The following KMT2C variants were observed in gnomAD, a reference collection of about 807,000 sequenced individuals.
The protein encoded by KMT2C is histone-lysine N-methyltransferase 2C.
In KMT2C, 88 loss-of-function variants were observed where a neutral mutation model predicts 507.9. The ratio of observed to expected loss-of-function variants is 0.17; its 90% CI spans 0.15 to 0.21. The LOEUF is 0.21. Ranked by LOEUF, KMT2C falls within the 10% of genes least tolerant of loss-of-function variation. The pLI is 1.00. For missense variants in KMT2C, 4,954 were observed against 5,957.8 expected, an observed-to-expected ratio of 0.83 and a Z score of 5.55; for synonymous variants, 2,049 against 2,080.8, an observed-to-expected ratio of 0.98 and a Z score of 0.42.
intron 1 of KMT2C, among the ~76,000 whole-genome samples, chr7:152,393,246 C>T (rs1274185082): frequency 3.9e-5 from 6 of 152,154 alleles, no homozygotes; most frequent in Non-Finnish European, 7.4e-5. Context: ...TTGGACTCTG[C>T]GATCACCAGC....
At chr7:152,221,507 A>T (rs192439724) in intron 22 of KMT2C, among the ~76,000 whole-genome samples, 1 of 152,364 alleles carries the variant, frequency 6.6e-6, no homozygotes, top group East Asian at 1.9e-4. Flanking sequence ...TTTTAAATGT[A>T]CAAAACTGTT....
intron 6 of KMT2C, among the ~76,000 whole-genome samples, chr7:152,294,184 G>A (rs556151579): frequency 1.3e-5 from 2 of 152,130 alleles, no homozygotes; most frequent in Non-Finnish European, 2.9e-5. Context: ...CAATTTTTAA[G>A]TAGATATATG....
chr7:152,352,279 T>C (rs1444650001), intron 2 of KMT2C, among the ~76,000 whole-genome samples: 1 of 152,166 alleles, frequency 6.6e-6, no homozygotes, highest in Non-Finnish European at 1.5e-5. Flanking sequence ...AGTTGTCTGC[T>C]CTCAAACTGT....
intron 6 of KMT2C, among the ~76,000 whole-genome samples, chr7:152,307,191 G>C (rs1473683537): frequency 3.4e-5 from 3 of 88,116 alleles, no homozygotes; most frequent in African/African-American, 9.4e-5. Flanking sequence ...AAGGAAAGAA[G>C]AGGGAGGAAG....
intron 18 of KMT2C, 148 bp from the exon 19 acceptor site, chr7:152,224,764 C>G (rs2094877230): frequency 5.0e-6 from 3 of 605,784 alleles, no homozygotes; most frequent in Non-Finnish European, 8.8e-6. Flanking sequence ...AGGCCCAATA[C>G]TGGGTTGGGC....
intron 12 of KMT2C, 51 bp downstream of exon 12, chr7:152,250,802 G>A (rs1432729382): frequency 2.1e-6 from 2 of 953,744 alleles, no homozygotes; most frequent in Middle Eastern, 2.1e-4. Context: ...CATATTTATT[G>A]TATATACACA....
At chr7:152,397,623 G>A in intron 1 of KMT2C, among the ~76,000 whole-genome samples, 1 of 152,050 alleles carries the variant, frequency 6.6e-6, no homozygotes, top group East Asian at 1.9e-4. Flanking sequence ...GTTTGGCAGT[G>A]TCCCCACCCA....
At chr7:152,372,508 C>G (rs1704978849) in intron 1 of KMT2C, among the ~76,000 whole-genome samples, 1 of 152,136 alleles carries the variant, frequency 6.6e-6, no homozygotes, top group Admixed American at 6.6e-5. Flanking sequence ...AAGAGACTCT[C>G]TTTAGCTTTA....
At chr7:152,253,703 C>A (rs1040853036) in intron 9 of KMT2C, among the ~76,000 whole-genome samples, 7 of 151,748 alleles carry the variant, frequency 4.6e-5, no homozygotes, top group African/African-American at 1.5e-4. Flanking sequence ...TGGGGAAACA[C>A]AGAGCACGGT....
At chr7:152,182,907 T>G in intron 35 of KMT2C, 67 bp downstream of exon 35, 1 of 1,133,594 alleles carries the variant, frequency 8.8e-7, no homozygotes, top group Non-Finnish European at 1.3e-6. Flanking sequence ...AAAATAATAA[T>G]GCAAAGACCT....
rs2129097280 is a variant in KMT2C, at chr7:152,152,632, A to G, written c.12526+73T>C. 2.0e-6 allele frequency: 3 copies of G among 1,536,438 alleles called. No individual in the cohort carries two copies. The South Asian group carries it at 3.5e-5, about 18-fold the overall frequency. On this transcript the variant is annotated intron_variant, in intron 49 of 58. Transcript: ENST00000262189. ...ACCTGTCCGTTGTTAAAAGATAATC[A>G]GTATCTCAAAGAGTAAGCTTAACTT...
intron 3 of KMT2C, among the ~76,000 whole-genome samples, chr7:152,326,613 G>C (rs1380874253): frequency 6.6e-6 from 1 of 152,144 alleles, no homozygotes; most frequent in Non-Finnish European, 1.5e-5. Context: ...GGGGACGGTG[G>C]CTCACGCCTG....
At chr7:152,201,329 C>CAT (rs2094134815) in intron 26 of KMT2C, among the ~76,000 whole-genome samples, 1 of 151,042 alleles carries the variant, frequency 6.6e-6, no homozygotes, top group Non-Finnish European at 1.5e-5. Context: ...CACACACACA[C>CAT]ACGCTGAAAG....
intron 2 of KMT2C, among the ~76,000 whole-genome samples, chr7:152,333,532 C>T (rs2129214000): frequency 6.6e-6 from 1 of 152,200 alleles, no homozygotes; most frequent in East Asian, 1.9e-4. Flanking sequence ...TCCTGAGTTC[C>T]ACACCATATT....
intron 2 of KMT2C, among the ~76,000 whole-genome samples, chr7:152,341,233 C>A (rs115285396): frequency 3.2e-3 from 493 of 152,274 alleles, no homozygotes; most frequent in African/African-American, 0.011. Context: ...CAGAACTGCC[C>A]AGCCAAGCCT....
At chr7:152,197,029 G>C (rs2093983081) in intron 27 of KMT2C, among the ~76,000 whole-genome samples, 1 of 152,134 alleles carries the variant, frequency 6.6e-6, no homozygotes, top group Non-Finnish European at 1.5e-5. Context: ...AAAGATAGGA[G>C]ATGACTAATA....
chr7:152,326,619 G>A (rs977458417), intron 3 of KMT2C, among the ~76,000 whole-genome samples: 51 of 152,226 alleles, frequency 3.4e-4, no homozygotes, highest in African/African-American at 1.2e-3. Context: ...GGTGGCTCAC[G>A]CCTGTAATCC....
At position 152,181,826 on chromosome 7, in the gene KMT2C, G is replaced by A. The variant is rs768932767; in HGVS notation, c.6034C>T (p.Pro2012Ser). 1.9e-6 allele frequency: 3 copies of A among 1,614,142 alleles called. No homozygotes were observed. The highest frequency in any genetic ancestry group is 4.5e-5 in the East Asian group (2 of 44,874). ...GTSDHFTKPSPRADVFQRQRI... is the reference protein window; with the variant it reads ...GTSDHFTKPSSRADVFQRQRI... ...TGTCTTTGAAACACATCTGCCCTAG[G>A]AGATGGTTTAGTAAAGTGATCACTG... Residue 2012 changes from proline to serine, a missense_variant, in exon 36 of 59, where the codon CCT (proline) becomes TCT (serine). Physicochemically the swap from Pro to Ser is moderately conservative, Grantham distance 74. Transcript: ENST00000262189.
intron 2 of KMT2C, among the ~76,000 whole-genome samples, chr7:152,348,434 T>A (rs1403448263): frequency 6.6e-6 from 1 of 150,404 alleles, no homozygotes; most frequent in East Asian, 2.0e-4. Flanking sequence ...CCGTATCTTC[T>A]AAAAATACAA....
Sources: gnomAD v4.1 joint callset for allele counts (sites outside exome capture counted in the v4.1 genomes callset) on GRCh38, gnomAD v4.1.1 for gene constraint, MANE v1.5 for transcripts, NCBI Gene and HGNC (gene_info 2026-07-23, HGNC 2026-07-21) for gene names.